Variants in PCDHA10 observed in about 807,000 individuals in gnomAD.
PCDHA10 encodes protocadherin alpha 10, also known as protocadherin alpha-10.
A neutral mutation model predicts 61.2 loss-of-function variants in PCDHA10; 45 were observed. The ratio of observed to expected loss-of-function variants is 0.74; its 90% confidence interval spans 0.58 to 0.94. PCDHA10 has a LOEUF of 0.94. PCDHA10 is among the 40% of genes least tolerant of loss of function. The probability of loss-of-function intolerance (pLI) is 0.00; values close to 1 mark genes in which losing one functional copy is unlikely to be tolerated. For missense variants in PCDHA10, 1,278 were observed against 1,236.2 expected (o/e 1.03, Z -0.51); for synonymous variants, 602 against 548.8 (o/e 1.10, Z -1.35).
intron 1 of PCDHA10, chr5:140,866,875 A>C (rs2049624381): frequency 6.6e-6 from 1 of 152,142 alleles, no homozygotes; most frequent in Admixed American, 6.5e-5. Flanking sequence ...ACTTCTTGGT[A>C]TTAGCCTATA....
At chr5:140,914,290 T>A (rs1412561039) in intron 1 of PCDHA10, among the ~76,000 whole-genome samples, 1 of 152,200 alleles carries the variant, frequency 6.6e-6, no homozygotes, top group Non-Finnish European at 1.5e-5. Context: ...AATTGTTATA[T>A]CCTCTTGCTG....
intron 1 of PCDHA10, chr5:140,870,439 G>C (rs374343977): frequency 6.2e-7 from 1 of 1,614,126 alleles, no homozygotes; most frequent in African/African-American, 1.3e-5. Flanking sequence ...GGAGGTGGCC[G>C]ACGTGAACGA....
chr5:140,930,012 A>G (rs1369011586), intron 1 of PCDHA10: 1 of 152,208 alleles, frequency 6.6e-6, no homozygotes, highest in Non-Finnish European at 1.5e-5. Context: ...CATAGCTGAT[A>G]GCTCCATAGC....
At chr5:140,982,054 G>T (rs565307071) in intron 2 of PCDHA10, among the ~76,000 whole-genome samples, 1 of 152,322 alleles carries the variant, frequency 6.6e-6, no homozygotes, top group East Asian at 1.9e-4. Context: ...AAATATTTTA[G>T]TGTGTTTTCT....
intron 1 of PCDHA10, chr5:140,870,855 G>T: frequency 3.7e-6 from 6 of 1,613,910 alleles, no homozygotes; most frequent in East Asian, 2.2e-5. Context: ...CGCGGTCGGT[G>T]GGTGCGGGCC....
chr5:140,911,849 T>C (rs536574096), intron 1 of PCDHA10, among the ~76,000 whole-genome samples: 4 of 152,314 alleles, frequency 2.6e-5, no homozygotes, highest in African/African-American at 9.6e-5. Flanking sequence ...AACTCCATCC[T>C]TAATAGTCTG....
intron 1 of PCDHA10, chr5:140,882,175 G>T: frequency 6.6e-7 from 1 of 1,515,152 alleles, no homozygotes; most frequent in Non-Finnish European, 8.8e-7. Flanking sequence ...GAATCCTTCC[G>T]CACTAGGAAG....
chr5:140,878,370 T>G (rs1049956194), intron 1 of PCDHA10, among the ~76,000 whole-genome samples: 1 of 152,272 alleles, frequency 6.6e-6, no homozygotes, highest in Non-Finnish European at 1.5e-5. Context: ...GTCTGACATA[T>G]GATGAATGAT....
chr5:140,896,902 G>C (rs1427098120), intron 1 of PCDHA10, among the ~76,000 whole-genome samples: 1 of 152,044 alleles, frequency 6.6e-6, no homozygotes, highest in Non-Finnish European at 1.5e-5. Context: ...TTTGATACAA[G>C]CATGCAATGC....
intron 1 of PCDHA10, chr5:140,871,196 AC>A (rs782394304): frequency 1.7e-5 from 28 of 1,613,546 alleles, no homozygotes; most frequent in Non-Finnish European, 2.2e-5. Context: ...GTCAACGTGT[AC>A]CTGATCATCG....
At chr5:140,896,450 C>G (rs1009231622) in intron 1 of PCDHA10, among the ~76,000 whole-genome samples, 5 of 152,092 alleles carry the variant, frequency 3.3e-5, no homozygotes, top group Admixed American at 1.3e-4. Flanking sequence ...GCAACCTCCA[C>G]CTCCTGGGTT....
At chr5:141,002,595 C>T (rs2098087240) in intron 3 of PCDHA10, among the ~76,000 whole-genome samples, 2 of 152,192 alleles carry the variant, frequency 1.3e-5, no homozygotes, top group Admixed American at 1.3e-4. Context: ...TTAGTCCCCT[C>T]ATCTATAAAA....
At chr5:140,996,791 A>G (rs2153942087) in intron 3 of PCDHA10, among the ~76,000 whole-genome samples, 1 of 152,316 alleles carries the variant, frequency 6.6e-6, no homozygotes, top group Non-Finnish European at 1.5e-5. Context: ...CTCACTCCCT[A>G]CATCCAATCA....
At chr5:140,997,456 C>T (rs2097770717) in intron 3 of PCDHA10, among the ~76,000 whole-genome samples, 1 of 152,146 alleles carries the variant, frequency 6.6e-6, no homozygotes, top group African/African-American at 2.4e-5. Context: ...ATACTGAATA[C>T]TGTAGGCAAT....
intron 1 of PCDHA10, among the ~76,000 whole-genome samples, chr5:140,964,573 G>A (rs191009049): frequency 3.0e-4 from 45 of 152,274 alleles, no homozygotes; most frequent in African/African-American, 1.9e-4. Flanking sequence ...GAGGAGATAA[G>A]GGGAGGAAAG....
intron 1 of PCDHA10, chr5:140,927,853 G>A: frequency 6.2e-7 from 1 of 1,614,214 alleles, no homozygotes. Flanking sequence ...CTTTGGTTTA[G>A]CTAGCACCGC....
chr5:140,884,684 T>C (rs2060315542), intron 1 of PCDHA10: 1 of 1,543,214 alleles, frequency 6.5e-7, no homozygotes. Flanking sequence ...TTTTAAAAAA[T>C]TGTCTTAGTA....
chr5:140,995,498 CTG>C (rs1554254703), intron 3 of PCDHA10, among the ~76,000 whole-genome samples: 5 of 152,150 alleles, frequency 3.3e-5, no homozygotes, highest in Non-Finnish European at 5.9e-5. Context: ...CTAAGGTTGA[CTG>C]TGGGTAACTG....
At chr5:140,942,619 T>A in intron 1 of PCDHA10, among the ~76,000 whole-genome samples, 1 of 148,900 alleles carries the variant, frequency 6.7e-6, no homozygotes. Context: ...TTGCCAATTG[T>A]AAAAAAAAAA....
Sources: allele counts gnomAD v4.1 joint callset (sites outside exome capture counted in the v4.1 genomes callset), GRCh38; gene constraint gnomAD v4.1.1; transcripts MANE v1.5; gene names NCBI Gene and HGNC (gene_info 2026-07-23, HGNC 2026-07-21).